The following BICDL1 variants were observed in gnomAD, a reference collection of about 807,000 sequenced individuals.
The protein encoded by BICDL1 is BICD family-like cargo adapter 1.
BICDL1 carries 20 observed loss-of-function variants against 76.8 expected under a neutral mutation model. The ratio of observed to expected loss-of-function variants is 0.26; its 90% CI spans 0.18 to 0.38. The LOEUF (loss-of-function observed/expected upper bound fraction) is 0.38. Among genes scored for constraint, BICDL1 ranks in the 10% least tolerant of loss-of-function variants. The pLI is 1.00. For missense variants in BICDL1, 700 were observed against 798.6 expected (o/e 0.88, Z 1.49); for synonymous variants, 383 against 337.1 (o/e 1.14, Z -1.49).
At chr12:120,035,680 TAC>T (rs1952517976) in intron 2 of BICDL1, among the ~76,000 whole-genome samples, 1 of 152,204 alleles carries the variant, frequency 6.6e-6, no homozygotes, top group Non-Finnish European at 1.5e-5. Flanking sequence ...CCATGCTCTA[TAC>T]AGAGTATAAA....
intron 2 of BICDL1, among the ~76,000 whole-genome samples, chr12:120,046,949 G>C (rs139238970): frequency 3.4e-4 from 52 of 152,290 alleles, no homozygotes; most frequent in African/African-American, 1.2e-3. Flanking sequence ...TCCTCTTCCA[G>C]AAACAAAAGC....
intron 2 of BICDL1, among the ~76,000 whole-genome samples, chr12:120,028,361 G>T (rs1481177592): frequency 6.7e-6 from 1 of 150,252 alleles, no homozygotes; most frequent in Non-Finnish European, 1.5e-5. Flanking sequence ...ACATATCCAA[G>T]AATTGGTTTC....
chr12:120,029,603 T>C (rs1952380318), intron 2 of BICDL1, among the ~76,000 whole-genome samples: 1 of 152,242 alleles, frequency 6.6e-6, no homozygotes, highest in Admixed American at 6.5e-5. Context: ...TTGTAAGTCT[T>C]AGCAGTAAAG....
At chr12:120,077,205 A>C (rs1873617979) in intron 7 of BICDL1, among the ~76,000 whole-genome samples, 1 of 152,282 alleles carries the variant, frequency 6.6e-6, no homozygotes, top group Non-Finnish European at 1.5e-5. Flanking sequence ...TTTAAAATAA[A>C]GGAAAGCGTA....
At chr12:120,057,517 G>A (rs1953001409) in intron 2 of BICDL1, among the ~76,000 whole-genome samples, 2 of 152,298 alleles carry the variant, frequency 1.3e-5, no homozygotes, top group South Asian at 2.1e-4. Context: ...ATAAACTTAA[G>A]AGGTTATTAT....
intron 1 of BICDL1, among the ~76,000 whole-genome samples, chr12:119,997,759 A>T (rs1333616549): frequency 6.6e-6 from 1 of 151,990 alleles, no homozygotes; most frequent in Admixed American, 6.6e-5. Context: ...AAATTCTGTG[A>T]TAGTAAGAAT....
intron 2 of BICDL1, chr12:120,056,946 C>T (rs1051366602): frequency 2.4e-6 from 1 of 408,880 alleles, no homozygotes; most frequent in Non-Finnish European, 4.7e-6. Context: ...CTCTACAGAG[C>T]AGAGGGGAGG....
chr12:120,068,705 A>G (rs59789494), intron 4 of BICDL1, among the ~76,000 whole-genome samples: 1 of 152,360 alleles, frequency 6.6e-6, no homozygotes, highest in East Asian at 1.9e-4. Context: ...GGTCCCAGCT[A>G]CTAGGGAGGC....
At chr12:120,089,557 T>C (rs1874780575) in intron 8 of BICDL1, among the ~76,000 whole-genome samples, 1 of 152,092 alleles carries the variant, frequency 6.6e-6, no homozygotes, top group South Asian at 2.1e-4. Flanking sequence ...TAATTTTGTA[T>C]TTTTAGTAGA....
chr12:120,060,345 G>A (rs959789409), intron 2 of BICDL1, among the ~76,000 whole-genome samples: 1 of 152,194 alleles, frequency 6.6e-6, no homozygotes, highest in East Asian at 1.9e-4. Flanking sequence ...CAGGTTTCAG[G>A]GTGTGTAGGG....
intron 2 of BICDL1, among the ~76,000 whole-genome samples, chr12:120,014,155 T>G (rs71454621): frequency 1.3e-5 from 2 of 152,238 alleles, no homozygotes; most frequent in Non-Finnish European, 2.9e-5. Flanking sequence ...CATGTTTTGT[T>G]TTATGCAGTC....
intron 1 of BICDL1, among the ~76,000 whole-genome samples, chr12:119,991,060 C>G (rs1319818461): frequency 3.3e-5 from 5 of 151,832 alleles, no homozygotes; most frequent in Admixed American, 6.6e-5. Flanking sequence ...GGCAGTCTTT[C>G]AGAGTTGTTT....
chr12:120,038,558 A>AT (rs1301508972), intron 2 of BICDL1, among the ~76,000 whole-genome samples: 2 of 151,884 alleles, frequency 1.3e-5, no homozygotes, highest in Non-Finnish European at 1.5e-5. Context: ...AATGTAGTGA[A>AT]TTTTTTTCAT....
chr12:120,059,285 T>C (rs1953051418), intron 2 of BICDL1, among the ~76,000 whole-genome samples: 1 of 151,798 alleles, frequency 6.6e-6, no homozygotes, highest in African/African-American at 2.4e-5. Context: ...TTGTTTGTTT[T>C]TTGAGACTGA....
In BICDL1 at chr12:119,989,836, G is replaced by GCCGCA; in HGVS notation, c.-28_-24dup. On this transcript the variant is annotated 5_prime_UTR_variant, in exon 1 of 10. Transcript: ENST00000548673. ...CTGCAGCCTGGCGCGCGCGGGCCGGGCCGCACCGCTGCGGGCTCCGCGCGC... is the reference window on the plus strand; with the variant it reads ...CTGCAGCCTGGCGCGCGCGGGCCGGGCCGCACCGCACCGCTGCGGGCTCCGCGCGC... The GCCGCA allele has an allele frequency of 8.0e-7, 1 of 1,244,268 alleles. No homozygotes were observed. The highest frequency in any genetic ancestry group is 1.0e-6 in the Non-Finnish European group (1 of 996,404). 77.1% of individuals were successfully genotyped at this position (1,244,268 alleles called of 1,614,324 possible).
At position 120,071,277 on chromosome 12, in the gene BICDL1, G is replaced by A. The variant is rs986677309; in HGVS notation, c.910-345G>A. 3.3e-5 allele frequency among the ~76,000 whole-genome samples: 5 copies of A among 150,352 alleles called. No homozygotes were observed. The highest frequency in any genetic ancestry group is 1.2e-4 in the African/African-American group (5 of 40,766). ...CCTGCCTCATTCCCCAAGTAGCTGG[G>A]ATTTCAGGTACCCGCCACCACGCCC... On this transcript the variant is annotated intron_variant, in intron 4 of 9. Transcript: ENST00000548673. The surrounding 1 kb of genome is among the most constrained non-coding windows in gnomAD (Gnocchi z 4.8).
At chr12:120,088,670 T>G (rs964839502) in intron 8 of BICDL1, among the ~76,000 whole-genome samples, 14 of 148,846 alleles carry the variant, frequency 9.4e-5, no homozygotes, top group Non-Finnish European at 1.9e-4. Context: ...CTTTATGGGG[T>G]TTTTTTGTTT....
At chr12:120,018,107 G>A (rs1952103686) in intron 2 of BICDL1, among the ~76,000 whole-genome samples, 1 of 152,182 alleles carries the variant, frequency 6.6e-6, no homozygotes, top group Non-Finnish European at 1.5e-5. Context: ...TCTCATCCCT[G>A]ATTGCATATT....
chr12:120,004,233 A>G (rs78175048), intron 2 of BICDL1, among the ~76,000 whole-genome samples: 8,434 of 152,204 alleles, frequency 0.055, 465 homozygotes, highest in African/African-American at 0.14. Flanking sequence ...AGCCCCCTCC[A>G]TTTATCCCTT....
Sources: gnomAD v4.1 joint callset for allele counts (sites outside exome capture counted in the v4.1 genomes callset) on GRCh38, gnomAD v4.1.1 for gene constraint, Gnocchi (gnomAD v3.1) non-coding constraint, MANE v1.5 for transcripts, NCBI Gene and HGNC (gene_info 2026-07-23, HGNC 2026-07-21) for gene names.